Variants in TAOK3 observed in about 807,000 individuals in gnomAD.
TAOK3 encodes serine/threonine-protein kinase TAO3.
In TAOK3, 40 loss-of-function variants were observed where a neutral mutation model predicts 120.4. The ratio of observed to expected loss-of-function variants is 0.33; its 90% CI spans 0.26 to 0.43. The LOEUF is 0.43. Ranked by LOEUF, TAOK3 falls within the 20% of genes least tolerant of loss-of-function variation. TAOK3 has a pLI of 1.00. For missense variants in TAOK3, 821 were observed against 1,112.1 expected, an observed-to-expected ratio of 0.74 and a Z score of 3.72; for synonymous variants, 355 against 387.5, an observed-to-expected ratio of 0.92 and a Z score of 0.99.
chr12:118,161,692 A>T lies in TAOK3; in HGVS notation c.2139+96T>A. On this transcript the variant is annotated intron_variant, in intron 18 of 20. Transcript: ENST00000392533. This position sits in a 1 kb window ranked among gnomAD's most constrained non-coding sequence, Gnocchi z 4.5. ...TGATACAATAGGTGTGGGGTGCAGA[A>T]ATTTGTGATTCTGAAAAGTTGCTCA... 1 of 1,510,932 alleles carries T rather than the reference A, an allele frequency of 6.6e-7. No individual in the cohort carries two copies. The highest frequency in any genetic ancestry group is 9.0e-7 in the Non-Finnish European group (1 of 1,107,818). The allele number at this position is 1,510,932 out of a possible 1,614,324, so 93.6% of individuals were successfully genotyped here.
chr12:118,203,573 G>T (rs924022756), intron 11 of TAOK3, among the ~76,000 whole-genome samples: 2 of 151,858 alleles, frequency 1.3e-5, no homozygotes, highest in African/African-American at 2.4e-5. Context: ...GCATGGTGAC[G>T]TGCATCTGTA....
chr12:118,288,316 C>G (rs2042337484), intron 1 of TAOK3, among the ~76,000 whole-genome samples: 1 of 151,980 alleles, frequency 6.6e-6, no homozygotes, highest in African/African-American at 2.4e-5. Context: ...AACTGGAACC[C>G]TCCAATGTGA....
intron 11 of TAOK3, among the ~76,000 whole-genome samples, chr12:118,212,379 G>A (rs2038676459): frequency 6.6e-6 from 1 of 152,216 alleles, no homozygotes; most frequent in Non-Finnish European, 1.5e-5. Flanking sequence ...AATATTACAT[G>A]AAAAGAGATG....
intron 2 of TAOK3, among the ~76,000 whole-genome samples, chr12:118,263,724 C>CA (rs1366815865): frequency 6.6e-6 from 1 of 152,090 alleles, no homozygotes; most frequent in Non-Finnish European, 1.5e-5. Flanking sequence ...GGATGAATGG[C>CA]AAAAGAAAGA....
At chr12:118,275,251 G>A (rs1302133161) in intron 1 of TAOK3, among the ~76,000 whole-genome samples, 3 of 151,984 alleles carry the variant, frequency 2.0e-5, no homozygotes, top group Non-Finnish European at 4.4e-5. Flanking sequence ...CAGCCCTCTT[G>A]TCTCAGCCTT....
chr12:118,201,523 T>C lies in TAOK3; in HGVS notation c.820-60A>G. 2 of 1,433,398 alleles carry C rather than the reference T, an allele frequency of 1.4e-6. 1 individual carries two copies. Among genetic ancestry groups the C allele is most frequent in the South Asian group, 2.9e-5 (2 of 69,030 alleles). 88.8% of individuals were successfully genotyped at this position (1,433,398 alleles called of 1,614,324 possible). A position where few individuals can be genotyped will look rare whatever the true frequency, so the allele number is the denominator to read the frequency against. On this transcript the variant is annotated intron_variant, in intron 11 of 20. Coordinates refer to ENST00000392533, the MANE Select transcript of TAOK3 (RefSeq NM_016281.4). ...TGAAGAAATGTCCTTAGGTGCAAGG[T>C]ACAGATATAAAAGGAAATAGAGAAT...
intron 15 of TAOK3, among the ~76,000 whole-genome samples, chr12:118,178,049 C>G (rs770698534): frequency 6.6e-6 from 1 of 152,012 alleles, no homozygotes; most frequent in Admixed American, 6.6e-5. Flanking sequence ...CGGGATCCAG[C>G]GATCCTCCTG....
intron 9 of TAOK3, among the ~76,000 whole-genome samples, chr12:118,216,884 G>A (rs906136782): frequency 7.5e-5 from 11 of 147,360 alleles, no homozygotes; most frequent in South Asian, 2.1e-4. Context: ...AGCCGAGATC[G>A]TGCCACTGCA....
intron 14 of TAOK3, among the ~76,000 whole-genome samples, chr12:118,189,113 C>T (rs1174995758): frequency 6.6e-6 from 1 of 152,204 alleles, no homozygotes; most frequent in Non-Finnish European, 1.5e-5. Context: ...TCAGCCCTAT[C>T]CTCTCCTACA....
At chr12:118,186,388 TC>T (rs1479696239) in intron 14 of TAOK3, among the ~76,000 whole-genome samples, 1 of 152,144 alleles carries the variant, frequency 6.6e-6, no homozygotes, top group Non-Finnish European at 1.5e-5. Flanking sequence ...TATTAATATC[TC>T]TATCACAGAA....
At chr12:118,174,854 G>A (rs889662190) in intron 16 of TAOK3, among the ~76,000 whole-genome samples, 10 of 152,008 alleles carry the variant, frequency 6.6e-5, no homozygotes, top group African/African-American at 1.5e-4. Context: ...TAGAGATGTC[G>A]TTTTACCATG....
intron 11 of TAOK3, among the ~76,000 whole-genome samples, chr12:118,202,792 T>TTTTTTTTTTTTTTTTTTC: frequency 7.4e-6 from 1 of 135,908 alleles, no homozygotes; most frequent in African/African-American, 2.7e-5. Flanking sequence ...TTTTTTTTTT[T>TTTTTTTTTTTTTTTTTTC]TTTTTGAGAT....
chr12:118,164,346 C>A (rs1308361160), intron 17 of TAOK3, among the ~76,000 whole-genome samples: 2 of 151,572 alleles, frequency 1.3e-5, no homozygotes, highest in African/African-American at 4.8e-5. Flanking sequence ...AGAAAAACAA[C>A]AACGAAACAA....
intron 9 of TAOK3, among the ~76,000 whole-genome samples, chr12:118,215,516 GAACAAC>G (rs1008321028): frequency 6.6e-6 from 1 of 151,032 alleles, no homozygotes; most frequent in Admixed American, 6.6e-5. Context: ...TGTCTCAAAA[GAACAAC>G]AACAACAACA....
intron 17 of TAOK3, among the ~76,000 whole-genome samples, chr12:118,165,544 A>C (rs1414862477): frequency 6.6e-6 from 1 of 152,252 alleles, no homozygotes; most frequent in African/African-American, 2.4e-5. Flanking sequence ...ACTAGTCTCT[A>C]TAACAAGCTA....
intron 1 of TAOK3, among the ~76,000 whole-genome samples, chr12:118,302,828 A>G (rs2042925922): frequency 6.6e-6 from 1 of 152,204 alleles, no homozygotes; most frequent in Non-Finnish European, 1.5e-5. Context: ...ATATTTGGAA[A>G]ACACAGCATT....
chr12:118,164,693 C>T (rs902343821), intron 17 of TAOK3, among the ~76,000 whole-genome samples: 1 of 152,200 alleles, frequency 6.6e-6, no homozygotes, highest in African/African-American at 2.4e-5. Flanking sequence ...GCTGGGACTA[C>T]AGGCGTGAGC....
At chr12:118,342,899 A>C (rs531366897) in intron 1 of TAOK3, among the ~76,000 whole-genome samples, 145 of 144,704 alleles carry the variant, frequency 1.0e-3, no homozygotes, top group African/African-American at 3.6e-3. Flanking sequence ...CTGCCATTGC[A>C]CTCCAGCCTG....
chr12:118,211,244 A>G (rs993742944), intron 11 of TAOK3, among the ~76,000 whole-genome samples: 17 of 152,210 alleles, frequency 1.1e-4, no homozygotes, highest in African/African-American at 4.1e-4. Context: ...AAACATTTCC[A>G]GAAAAGTTTT....
Sources: gnomAD v4.1 joint callset for allele counts (sites outside exome capture counted in the v4.1 genomes callset) on GRCh38, gnomAD v4.1.1 for gene constraint, Gnocchi (gnomAD v3.1) non-coding constraint, MANE v1.5 for transcripts, NCBI Gene and HGNC (gene_info 2026-07-23, HGNC 2026-07-21) for gene names.